TENM4: variants seen among roughly 807,000 people sequenced by gnomAD.
TENM4 encodes the protein teneurin transmembrane protein 4.
Under a neutral mutation model 243.3 loss-of-function variants are expected in TENM4, and 82 were observed. That is an observed-to-expected ratio of 0.34 (90% CI 0.28 to 0.40). TENM4 has a LOEUF of 0.40. Among genes scored for constraint, TENM4 ranks in the 10% least tolerant of loss-of-function variants. The pLI, the probability that TENM4 is intolerant of heterozygous loss-of-function variation, is 1.00. For missense variants in TENM4, 3,138 were observed against 3,673.3 expected (o/e 0.85, Z 3.77); for synonymous variants, 1,412 against 1,456.3 (o/e 0.97, Z 0.69).
At chr11:79,299,566 G>C (rs888375578) in intron 1 of TENM4, among the ~76,000 whole-genome samples, 1 of 151,970 alleles carries the variant, frequency 6.6e-6, no homozygotes, top group African/African-American at 2.4e-5. Context: ...ATTCCCAAAA[G>C]AGCGCTTTGG....
Position 78,878,051 on chromosome 11 carries a change from C to T in TENM4, c.1084+11734G>A, listed in dbSNP as rs1479693760. The stretch of plus-strand genomic sequence containing the variant: ...TCAGCAGCCGCCTCTGGCTTTGTCT[C>T]CTCTGGTTTTCCCTCCACATAGTTT... On this transcript the variant is annotated intron_variant, in intron 9 of 33. Transcript: ENST00000278550. Among the ~76,000 whole-genome samples the T allele has an allele frequency of 2.0e-5, 3 of 152,308 alleles. No individual in the cohort carries two copies. The East Asian group carries it at 5.8e-4, about 29-fold the overall frequency.
chr11:79,394,759 C>G (rs1858306832), intron 1 of TENM4, among the ~76,000 whole-genome samples: 1 of 152,150 alleles, frequency 6.6e-6, no homozygotes, highest in Non-Finnish European at 1.5e-5. Flanking sequence ...TCCAGTATGA[C>G]TGATGTCCTT....
intron 1 of TENM4, among the ~76,000 whole-genome samples, chr11:79,432,590 T>C (rs1292772041): frequency 2.0e-5 from 3 of 152,220 alleles, no homozygotes; most frequent in South Asian, 4.1e-4. Context: ...TGTCACAGTT[T>C]GATGAGTAAA....
chr11:78,997,901 T>C (rs1321121294), intron 6 of TENM4, among the ~76,000 whole-genome samples: 1 of 152,188 alleles, frequency 6.6e-6, no homozygotes, highest in African/African-American at 2.4e-5. Context: ...AGTGCCCTTA[T>C]AAGAGGAGGA....
chr11:79,391,876 A>T (rs1858241154), intron 1 of TENM4, among the ~76,000 whole-genome samples: 1 of 152,238 alleles, frequency 6.6e-6, no homozygotes, highest in South Asian at 2.1e-4. Context: ...TCTATGGGAC[A>T]GCTGTGAGCA....
At chr11:79,421,441 T>C (rs1590954492) in intron 1 of TENM4, among the ~76,000 whole-genome samples, 1 of 152,242 alleles carries the variant, frequency 6.6e-6, no homozygotes, top group African/African-American at 2.4e-5. Context: ...ACAGCTGTTA[T>C]TAACATTACT....
chr11:79,096,923 C>CGCGT (rs997214378), intron 4 of TENM4: 1 of 121,314 alleles, frequency 8.2e-6, no homozygotes, highest in African/African-American at 3.4e-5. Flanking sequence ...CATGCGCGCG[C>CGCGT]GCGCGCACAC....
At chr11:79,311,079 G>A (rs1042646497) in intron 1 of TENM4, among the ~76,000 whole-genome samples, 1 of 152,118 alleles carries the variant, frequency 6.6e-6, no homozygotes, top group African/African-American at 2.4e-5. Flanking sequence ...CAGCAAGATG[G>A]GACAAGACGG....
At chr11:79,029,908 G>A (rs576483440) in intron 6 of TENM4, among the ~76,000 whole-genome samples, 1 of 152,216 alleles carries the variant, frequency 6.6e-6, no homozygotes, top group Non-Finnish European at 1.5e-5. Flanking sequence ...ACCTGACAAT[G>A]AACTTGATCT....
intron 12 of TENM4, among the ~76,000 whole-genome samples, chr11:78,831,221 C>T (rs924529651): frequency 2.0e-5 from 3 of 152,224 alleles, no homozygotes; most frequent in African/African-American, 7.2e-5. Flanking sequence ...CACAACACTG[C>T]CCAAGTTTCA....
chr11:79,339,951 G>A (rs1347738320), intron 1 of TENM4, among the ~76,000 whole-genome samples: 3 of 152,154 alleles, frequency 2.0e-5, no homozygotes, highest in Admixed American at 1.3e-4. Flanking sequence ...AGGCAGCCAC[G>A]TGAGGAAGTG....
At chr11:78,801,220 C>T (rs1281084224) in intron 15 of TENM4, among the ~76,000 whole-genome samples, 1 of 152,118 alleles carries the variant, frequency 6.6e-6, no homozygotes, top group African/African-American at 2.4e-5. Context: ...GCCAGTCATT[C>T]CCCGCTTCCA....
intron 2 of TENM4, among the ~76,000 whole-genome samples, chr11:79,246,394 T>C (rs1855515432): frequency 1.3e-5 from 2 of 152,188 alleles, no homozygotes; most frequent in African/African-American, 4.8e-5. Context: ...CTAGTAAAGC[T>C]AGAGATACCA....
At chr11:79,351,116 G>T (rs2135477782) in intron 1 of TENM4, among the ~76,000 whole-genome samples, 1 of 152,246 alleles carries the variant, frequency 6.6e-6, no homozygotes, top group South Asian at 2.1e-4. Flanking sequence ...TTTTCCCGCA[G>T]GTATTTTTAA....
chr11:78,688,782 T>C (rs1858745786), intron 28 of TENM4, among the ~76,000 whole-genome samples: 1 of 152,138 alleles, frequency 6.6e-6, no homozygotes, highest in Admixed American at 6.6e-5. Flanking sequence ...GCTAGATAAA[T>C]GGTGTCTTGC....
At chr11:78,954,736 T>G (rs1857173986) in intron 6 of TENM4, among the ~76,000 whole-genome samples, 1 of 152,168 alleles carries the variant, frequency 6.6e-6, no homozygotes, top group African/African-American at 2.4e-5. Flanking sequence ...AAAAATTCAC[T>G]AAAGGAGAAA....
In TENM4 at chr11:78,729,421, T is replaced by C. The variant is rs1251538156; in HGVS notation, c.3361A>G (p.Thr1121Ala). 2 of 1,592,710 alleles carry C rather than the reference T, an allele frequency of 1.3e-6. No individual in the cohort carries two copies. The highest frequency in any genetic ancestry group is 1.3e-5 in the African/African-American group (1 of 74,518). The change falls in exon 22 of 34, where the codon ACA becomes GCA. Residue 1121 changes from threonine (T) to alanine (A), a missense_variant. Physicochemically the swap from Thr to Ala is moderately conservative, Grantham distance 58 (BLOSUM62 0). Transcript: ENST00000278550. The stretch of plus-strand genomic sequence containing the variant: ...AACACCTTCTGGTTGTAGACGTCTG[T>C]CTTGTCCCAAATGAAATAATAGGAC... Reference protein sequence around the residue: ...DLSYYFIWDKTDVYNQKVFGL... With the variant: ...DLSYYFIWDKADVYNQKVFGL...
intron 6 of TENM4, among the ~76,000 whole-genome samples, chr11:79,048,420 A>T (rs986514212): frequency 6.6e-6 from 1 of 152,110 alleles, no homozygotes; most frequent in Non-Finnish European, 1.5e-5. Context: ...CCGGCAGAAG[A>T]TTGCCCATTC....
chr11:79,083,273 C>T (rs1860723579), intron 4 of TENM4, among the ~76,000 whole-genome samples: 1 of 152,228 alleles, frequency 6.6e-6, no homozygotes, highest in Admixed American at 6.5e-5. Context: ...CATCGCAAGC[C>T]TTCGGCCTCC....
Sources: gnomAD v4.1 joint callset for allele counts (sites outside exome capture counted in the v4.1 genomes callset) on GRCh38, gnomAD v4.1.1 for gene constraint, MANE v1.5 for transcripts, NCBI Gene and HGNC (gene_info 2026-07-23, HGNC 2026-07-21) for gene names.